Variants in JAK1 observed in about 807,000 individuals in gnomAD.
JAK1 encodes tyrosine-protein kinase JAK1.
Under a neutral mutation model 136.6 loss-of-function variants are expected in JAK1, and 16 were observed. The observed-to-expected ratio is 0.12, with a 90% CI of 0.08 to 0.18. JAK1 has a LOEUF of 0.18. Among genes scored for constraint, JAK1 ranks in the 10% least tolerant of loss-of-function variants. The pLI is 1.00. For synonymous variants in JAK1, 492 were observed against 519.5 expected, an observed-to-expected ratio of 0.95 and a Z score of 0.72; for missense variants, 859 against 1,450.1, an observed-to-expected ratio of 0.59 and a Z score of 6.62.
intron 1 of JAK1, among the ~76,000 whole-genome samples, chr1:65,046,303 C>T (rs927493008): frequency 4.6e-5 from 7 of 152,094 alleles, no homozygotes; most frequent in African/African-American, 1.7e-4. Context: ...CCTGCAGGCC[C>T]GGATGAGGCC....
At chr1:64,898,237 C>T (rs1246005117) in intron 1 of JAK1, among the ~76,000 whole-genome samples, 1 of 152,220 alleles carries the variant, frequency 6.6e-6, no homozygotes, top group Non-Finnish European at 1.5e-5. Context: ...CAACATTCTG[C>T]TGCTGGTGAC....
At chr1:64,932,958 G>C (rs1388922121) in intron 1 of JAK1, among the ~76,000 whole-genome samples, 1 of 152,028 alleles carries the variant, frequency 6.6e-6, no homozygotes, top group African/African-American at 2.4e-5. Context: ...ACTGCTAACG[G>C]GAAGTAAAGC....
rs1210692562 is a variant in JAK1 at position 64,867,109 on chromosome 1, C to A, written c.747G>T (p.Lys249Asn). ...RINNVFKDFL[K>N]EFNNKTICDS... ...CACAAATGGTCTTGTTGTTAAATTCCTTTAGGAAATCCTTGAAAACATTAT... is the reference window on the plus strand; with the variant it reads ...CACAAATGGTCTTGTTGTTAAATTCATTTAGGAAATCCTTGAAAACATTAT... Residue 249 changes from lysine to asparagine, a missense_variant, in exon 7 of 25, where the codon AAG becomes AAT. Lys to Asn is a moderately conservative substitution (Grantham distance 94, BLOSUM62 0). Coordinates refer to ENST00000342505, the MANE Select transcript of JAK1 (RefSeq NM_002227.4). The A allele has an allele frequency of 6.2e-7, 1 of 1,613,842 alleles. No homozygotes were observed. The highest frequency in any genetic ancestry group is 1.6e-4 in the Middle Eastern group (1 of 6,062).
intron 1 of JAK1, among the ~76,000 whole-genome samples, chr1:65,050,372 G>T (rs6588109): frequency 1.3e-5 from 2 of 152,066 alleles, no homozygotes; most frequent in African/African-American, 4.8e-5. Flanking sequence ...GTCAGGAAAA[G>T]GTCTCTGAGG....
At chr1:64,851,608 T>C (rs1655600631) in intron 11 of JAK1, among the ~76,000 whole-genome samples, 1 of 152,206 alleles carries the variant, frequency 6.6e-6, no homozygotes, top group African/African-American at 2.4e-5. Flanking sequence ...ATTCTACTGA[T>C]TCAAACAGCA....
chr1:64,867,757 G>A (rs1449516294), intron 6 of JAK1, among the ~76,000 whole-genome samples: 2 of 152,206 alleles, frequency 1.3e-5, no homozygotes, highest in Non-Finnish European at 2.9e-5. Flanking sequence ...TTGGGAGGCC[G>A]AGGCGGGCGG....
rs1459156382 is a variant in JAK1 at position 64,867,049 on chromosome 1, T to C, written c.807A>G (p.Lys269=). 2 of 1,614,268 alleles carry C rather than the reference T, an allele frequency of 1.2e-6. No homozygotes were observed. The highest frequency in any genetic ancestry group is 3.3e-5 in the Admixed American group (2 of 60,036). Residue 269 remains lysine, a synonymous_variant, in exon 7 of 25, where the codon AAA becomes AAG. Transcript: ENST00000342505. ...SSVSTHDLKV[K]YLATLETLTK... The stretch of plus-strand genomic sequence containing the variant: ...TCAAAGTTTCCAAGGTAGCCAAGTA[T>C]TTCACCTTCAGGTCATGCGTGGACA...
rs757670611 is a variant in JAK1, at chr1:64,879,144, G to A, written c.210C>T (p.Ile70=). The change falls in exon 4 of 25, where the codon ATC becomes ATT. Residue 70 remains isoleucine (I), a synonymous_variant. Coordinates refer to ENST00000342505, the MANE Select transcript of JAK1 (RefSeq NM_002227.4). ...CAAAGAGGTTGTGACAAAGAGGAGAGATACCTGAGGAAAAGTAAAAAAACA... is the reference window on the plus strand; with the variant it reads ...CAAAGAGGTTGTGACAAAGAGGAGAAATACCTGAGGAAAAGTAAAAAAACA... ...LCIRAAQACR[I]SPLCHNLFAL... is the part of the protein sequence containing the mutation. 1 of 1,613,790 alleles carries A rather than the reference G, an allele frequency of 6.2e-7. No individual in the cohort carries two copies. The highest frequency in any genetic ancestry group is 8.5e-7 in the Non-Finnish European group (1 of 1,179,898).
intron 8 of JAK1, among the ~76,000 whole-genome samples, chr1:64,861,243 G>C (rs151042582): frequency 0.02 from 3,059 of 152,214 alleles, 111 homozygotes; most frequent in Admixed American, 0.11. Context: ...TGAAACTCCC[G>C]GATTTTAATC....
rs1344898922 is a variant in JAK1, at chr1:64,920,430, C to T, written c.-77-34089G>A. 2.6e-5 allele frequency among the ~76,000 whole-genome samples: 4 copies of T among 152,086 alleles called. 1 individual carries two copies. The highest frequency in any genetic ancestry group is 2.6e-4 in the Admixed American group (4 of 15,270). On this transcript the variant is annotated intron_variant, in intron 1 of 24. Coordinates refer to ENST00000342505, the MANE Select transcript of JAK1 (RefSeq NM_002227.4). ...TGGCACATACCTGTAGTCCCAGCTA[C>T]TTGGGAGGCTGAGAACTACACGAGA... is the stretch of plus-strand genomic sequence containing the variant.
rs533118928 is a variant in JAK1, at chr1:64,950,044, A to T, written c.-78+16289T>A. On this transcript the variant is annotated intron_variant, in intron 1 of 24. Transcript: ENST00000342505. ...CAATTAAAATTACATAATACAGTAC[A>T]TATTTATACATTATCGATAAAGACT... Among the ~76,000 whole-genome samples, 8 of 152,390 alleles carry T rather than the reference A, an allele frequency of 5.2e-5. No individual in the cohort carries two copies. The South Asian group carries it at 1.2e-3, about 24-fold the overall frequency.
At chr1:64,962,425 C>T (rs991578808) in intron 1 of JAK1, among the ~76,000 whole-genome samples, 1 of 152,178 alleles carries the variant, frequency 6.6e-6, no homozygotes, top group Non-Finnish European at 1.5e-5. Context: ...ATCCGCAGAG[C>T]ACCAAGGAAG....
In JAK1 at chr1:64,864,912, T is replaced by G; in HGVS notation, c.1051A>C (p.Lys351Gln). 2 of 1,614,016 alleles carry G rather than the reference T, an allele frequency of 1.2e-6. No homozygotes were observed. The highest frequency in any genetic ancestry group is 1.7e-6 in the Non-Finnish European group (2 of 1,179,928). Residue 351 changes from lysine (K) to glutamine (Q), a missense_variant, in exon 8 of 25, where the codon AAG (lysine) becomes CAG (glutamine). Coordinates refer to ENST00000342505, the MANE Select transcript of JAK1 (RefSeq NM_002227.4). ...LKRKKLENKH[K>Q]KDEEKNKIRE... ...ATCTTGTTTTTCTCCTCATCCTTCT[T>G]GTGTTTATTTTCCAGTTTTTTCCGC...
intron 2 of JAK1, among the ~76,000 whole-genome samples, chr1:64,999,196 A>G (rs1035187407): frequency 2.6e-5 from 4 of 152,294 alleles, no homozygotes; most frequent in African/African-American, 9.6e-5. Context: ...TCCTGTTGCT[A>G]TGTGAACAAA....
At chr1:65,013,825 CAG>C (rs1472856468) in intron 2 of JAK1, among the ~76,000 whole-genome samples, 2 of 152,098 alleles carry the variant, frequency 1.3e-5, no homozygotes, top group East Asian at 1.9e-4. Context: ...AGAGTAGAAA[CAG>C]AGTCAAAAAG....
chr1:65,046,159 T>C (rs1290337076), intron 1 of JAK1, among the ~76,000 whole-genome samples: 1 of 152,214 alleles, frequency 6.6e-6, no homozygotes, highest in Non-Finnish European at 1.5e-5. Flanking sequence ...CTATTATTTT[T>C]CATAATCATC....
At chr1:64,985,259 A>G in intron 2 of JAK1, 2 of 1,606,990 alleles carry the variant, frequency 1.2e-6, no homozygotes, top group Non-Finnish European at 1.7e-6. Context: ...AGAGCTGCTG[A>G]GAGAGCTGGA....
rs1656610269 is a variant in JAK1 at position 64,865,065 on chromosome 1, T to C, written c.991-93A>G. 7.1e-6 allele frequency: 7 copies of C among 989,654 alleles called. No individual in the cohort carries two copies. The East Asian group carries it at 7.4e-5, about 10-fold the overall frequency. 61.3% of individuals were successfully genotyped at this position (989,654 alleles called of 1,614,324 possible). A position where few individuals can be genotyped will look rare whatever the true frequency, so the allele number is the denominator to read the frequency against. On this transcript the variant is annotated intron_variant, in intron 7 of 24. Transcript: ENST00000342505. ...GCTGCTGGGAAACCTATGCAGGGCC[T>C]AGGTCCAAGGAAGAGAAAGCCAGCT...
rs544411934 is a variant in JAK1 at position 64,985,948 on chromosome 1, C to T, written c.-78+58532G>A. 2,684 of 1,023,512 alleles carry T rather than the reference C, an allele frequency of 2.6e-3. 10 individuals carry two copies. The highest frequency in any genetic ancestry group is 3.6e-3 in the Non-Finnish European group (2,378 of 666,594). The allele number at this position is 1,023,512 out of a possible 1,614,324, so 63.4% of individuals were successfully genotyped here. ...AACATCTCAGAGGGAGGGGTATTTG[C>T]CTTGTCCTTCAAAGTGTTGATAAAT... On this transcript the variant is annotated intron_variant, in intron 2 of 25. Transcript: ENST00000671954.
Sources: allele counts gnomAD v4.1 joint callset (sites outside exome capture counted in the v4.1 genomes callset), GRCh38; gene constraint gnomAD v4.1.1; transcripts MANE v1.5; gene names NCBI Gene and HGNC (gene_info 2026-07-23, HGNC 2026-07-21).